SNAP47: variants seen among roughly 807,000 people sequenced by gnomAD.
SNAP47 encodes the protein synaptosome associated protein 47.
Under a neutral mutation model 31.4 loss-of-function variants are expected in SNAP47, and 20 were observed. The ratio of observed to expected loss-of-function variants is 0.64; its 90% CI spans 0.45 to 0.93. The LOEUF is 0.93. SNAP47 is among the 40% of genes least tolerant of loss of function. The pLI is 0.00. For synonymous variants in SNAP47, 194 were observed against 213.4 expected (o/e 0.91, Z 0.79); for missense variants, 492 against 528.5 (o/e 0.93, Z 0.68).
At chr1:227,732,568 C>T (rs916040065), upstream of SNAP47, 8 of 1,613,388 alleles carry the variant, frequency 5.0e-6, no homozygotes, top group African/African-American at 6.7e-5. Context: ...AACCCAGCAC[C>T]GTCCTCAGCG....
upstream of SNAP47, chr1:227,733,051 G>C (rs1469208405): frequency 6.2e-7 from 1 of 1,611,976 alleles, no homozygotes; most frequent in African/African-American, 1.3e-5. Context: ...AGTGCAGGCA[G>C]GCCTGAGCCC....
chr1:227,738,488 T>A (rs918081500), intron 1 of SNAP47, among the ~76,000 whole-genome samples: 4 of 152,144 alleles, frequency 2.6e-5, no homozygotes, highest in Non-Finnish European at 5.9e-5. Flanking sequence ...GCACACACAC[T>A]CACACATACA....
chr1:227,751,466 G>A (rs1347171089), intron 2 of SNAP47, among the ~76,000 whole-genome samples: 1 of 152,212 alleles, frequency 6.6e-6, no homozygotes, highest in African/African-American at 2.4e-5. Context: ...CTTAGTGCTG[G>A]TGCTCAGAGT....
chr1:227,780,420 C>A, intron 4 of SNAP47, 107 bp from the exon 5 acceptor site: 1 of 1,496,492 alleles, frequency 6.7e-7, no homozygotes, highest in African/African-American at 1.4e-5. Context: ...ATGGCATCAC[C>A]CAGGTGGTAA....
intron 1 of SNAP47, among the ~76,000 whole-genome samples, chr1:227,729,819 T>G (rs536964611): frequency 3.9e-5 from 6 of 152,306 alleles, no homozygotes; most frequent in African/African-American, 1.2e-4. Context: ...AGGCACGTGC[T>G]GGAGGAGCCC....
chr1:227,776,317 TG>T (rs1214280096), intron 4 of SNAP47: 1 of 988,622 alleles, frequency 1.0e-6, no homozygotes, highest in Admixed American at 5.9e-5. Flanking sequence ...TCTATTTCTT[TG>T]AAGTTTATAA....
chr1:227,761,086 A>G (rs1379762305), intron 3 of SNAP47, among the ~76,000 whole-genome samples: 3 of 152,252 alleles, frequency 2.0e-5, no homozygotes, highest in Non-Finnish European at 4.4e-5. Context: ...CGTCCACACT[A>G]TAATGCGTGT....
chr1:227,775,914 C>T, intron 4 of SNAP47: 1 of 1,302,390 alleles, frequency 7.7e-7, no homozygotes, highest in African/African-American at 1.5e-5. Context: ...TCTTCCAGAA[C>T]AGCCTTTGCT....
At chr1:227,738,318 G>A (rs1289431835) in intron 1 of SNAP47, among the ~76,000 whole-genome samples, 1 of 152,124 alleles carries the variant, frequency 6.6e-6, no homozygotes, top group Non-Finnish European at 1.5e-5. Context: ...GGGATTACAG[G>A]CGTGAGCCAC....
chr1:227,733,330 C>G, upstream of SNAP47: 2 of 1,426,690 alleles, frequency 1.4e-6, no homozygotes, highest in Non-Finnish European at 1.9e-6. Flanking sequence ...TCCAGCCCAG[C>G]TCTGGCTGGG....
rs758661124 is a variant in SNAP47, at chr1:227,762,208, AC to A, written c.988+2725del. 1.1e-4 allele frequency among the ~76,000 whole-genome samples: 17 copies of A among 152,108 alleles called. No individual in the cohort carries two copies. The highest frequency in any genetic ancestry group is 1.8e-4 in the Non-Finnish European group (12 of 68,032). Reference sequence around the variant, plus strand: ...TGCTCCTGTGGGGGACTGTTGTGCCACCTTTCCGTGCTCACTTTCACCCCCA... The same window carrying A: ...TGCTCCTGTGGGGGACTGTTGTGCCACTTTCCGTGCTCACTTTCACCCCCA... On this transcript the variant is annotated intron_variant, in intron 3 of 4. Coordinates refer to ENST00000617596, the MANE Select transcript of SNAP47 (RefSeq NM_053052.4). This position sits in a 1 kb window ranked among gnomAD's most constrained non-coding sequence, Gnocchi z 4.2.
intron 1 of SNAP47, chr1:227,735,806 G>T: frequency 1.2e-6 from 1 of 829,814 alleles, no homozygotes; most frequent in Non-Finnish European, 1.5e-6. Context: ...TGGAGGAGAT[G>T]GTGGGGACCT....
intron 2 of SNAP47, among the ~76,000 whole-genome samples, chr1:227,758,641 TTAGA>T (rs1662846592): frequency 1.3e-5 from 2 of 152,176 alleles, no homozygotes. Context: ...GAAAGGTCTG[TTAGA>T]TAGCTCCCTA....
intron 2 of SNAP47, among the ~76,000 whole-genome samples, chr1:227,750,017 G>T (rs536243964): frequency 6.6e-6 from 1 of 152,226 alleles, no homozygotes; most frequent in Admixed American, 6.5e-5. Flanking sequence ...CTGGAATCCC[G>T]CCTTGGCATT....
At chr1:227,732,779 A>C, upstream of SNAP47, 2 of 1,591,222 alleles carry the variant, frequency 1.3e-6, no homozygotes, top group Non-Finnish European at 1.7e-6. Flanking sequence ...AGGGACCATT[A>C]AGACAGAGGC....
Position 227,752,188 on chromosome 1 carries a change from CCA to C in SNAP47, c.497+3958_497+3959del, listed in dbSNP as rs374672483. On this transcript the variant is annotated intron_variant, in intron 2 of 4. Transcript: ENST00000617596. Reference sequence around the variant, plus strand: ...GTTTGTACCCACTGTGAAGTCACCACCACAGTCATACGCACGAACACATCTCT... The same window carrying C: ...GTTTGTACCCACTGTGAAGTCACCACCAGTCATACGCACGAACACATCTCT... Among the ~76,000 whole-genome samples, 4 of 152,322 alleles carry C rather than the reference CCA, an allele frequency of 2.6e-5. No homozygotes were observed. In the East Asian group the frequency reaches 7.7e-4, roughly 29 times the overall value.
chr1:227,770,254 A>C (rs1007209033), intron 4 of SNAP47, among the ~76,000 whole-genome samples: 1 of 152,198 alleles, frequency 6.6e-6, no homozygotes, highest in African/African-American at 2.4e-5. Context: ...TTCAGAGTCA[A>C]AGGGTTCCCA....
chr1:227,759,277 C>G lies in SNAP47; in HGVS notation c.780C>G (p.Val260=). 2 of 1,614,214 alleles carry G rather than the reference C, an allele frequency of 1.2e-6. No homozygotes were observed. Among genetic ancestry groups the G allele is most frequent in the Non-Finnish European group, 1.7e-6 (2 of 1,180,046 alleles). ...GAGAAGACGTGGACGACATCAAGGTCCACTCACCTTACGAAATTAGCATCC... is the reference window on the plus strand; with the variant it reads ...GAGAAGACGTGGACGACATCAAGGTGCACTCACCTTACGAAATTAGCATCC... ...FEREDVDDIK[V]HSPYEISIRQ... The change falls in exon 3 of 5, where the codon GTC becomes GTG. Residue 260 remains valine (V), a synonymous_variant. Transcript: ENST00000617596.
At chr1:227,758,248 A>T (rs114140982) in intron 2 of SNAP47, among the ~76,000 whole-genome samples, 4,012 of 152,284 alleles carry the variant, frequency 0.026, 61 homozygotes, top group Middle Eastern at 0.037. Context: ...GAAGCTGGGG[A>T]CGCTGAGTCC....
Sources: allele counts gnomAD v4.1 joint callset (sites outside exome capture counted in the v4.1 genomes callset), GRCh38; gene constraint gnomAD v4.1.1; non-coding constraint Gnocchi (gnomAD v3.1); transcripts MANE v1.5; gene names NCBI Gene and HGNC (gene_info 2026-07-23, HGNC 2026-07-21).